TOR1AIP2: variants seen among roughly 807,000 people sequenced by gnomAD.
The protein encoded by TOR1AIP2 is torsin-1A-interacting protein 2.
Under a neutral mutation model 32.6 loss-of-function variants are expected in TOR1AIP2, and 20 were observed. The observed-to-expected ratio is 0.61, with a 90% confidence interval of 0.43 to 0.89. TOR1AIP2 has a LOEUF of 0.89. TOR1AIP2 is among the 40% of genes least tolerant of loss of function. TOR1AIP2 has a pLI of 0.00. For missense variants in TOR1AIP2, 456 were observed against 553.8 expected, an observed-to-expected ratio of 0.82 and a Z score of 1.77; for synonymous variants, 214 against 210.8, an observed-to-expected ratio of 1.02 and a Z score of -0.13.
At position 179,841,958 on chromosome 1, in the gene TOR1AIP2, T is replaced by C. The variant is rs1571642886; in HGVS notation, c.*4113A>G. On this transcript the variant is annotated 3_prime_UTR_variant, in exon 7 of 7. Transcript: ENST00000609928. ...GCTCACGCCTGTAATCCCAGCACTT[T>C]GGGAGGCCGAGGCGGGTGGATCACT... The C allele has an allele frequency of 6.6e-6, 1 of 152,284 alleles. No homozygotes were observed. The highest frequency in any genetic ancestry group is 2.1e-4 in the South Asian group (1 of 4,834). The allele number at this position is 152,284 out of a possible 1,614,324, so 9.4% of individuals were successfully genotyped here. A position where few individuals can be genotyped will look rare whatever the true frequency, so the allele number is the denominator to read the frequency against.
intron 3 of TOR1AIP2, chr1:179,859,356 C>T: frequency 4.2e-6 from 4 of 958,896 alleles, no homozygotes; most frequent in Non-Finnish European, 5.0e-6. Context: ...GAACGTTACC[C>T]AAGAACACGT....
rs1695886082 is a variant in TOR1AIP2, at chr1:179,845,960, T to A, written c.*111A>T. On this transcript the variant is annotated 3_prime_UTR_variant, in exon 7 of 7. Transcript: ENST00000609928. The stretch of plus-strand genomic sequence containing the variant: ...TCTAAAATAAGCTCATCTTTGTTTT[T>A]CAGGCTATTTCCTCAAGCTATTTTA... The A allele has an allele frequency of 1.0e-6, 1 of 961,296 alleles. No individual in the cohort carries two copies. Among genetic ancestry groups the A allele is most frequent in the Non-Finnish European group, 1.5e-6 (1 of 652,962 alleles). The allele number at this position is 961,296 out of a possible 1,614,324, so 59.5% of individuals were successfully genotyped here.
chr1:179,844,488 T>C lies in TOR1AIP2; in HGVS notation c.*1583A>G, dbSNP rs1027124986. ...AAAACCCAGTTGAAATAATCCAGGATTATGGTAATAGTCTATATAATGGAA... is the reference window on the plus strand; with the variant it reads ...AAAACCCAGTTGAAATAATCCAGGACTATGGTAATAGTCTATATAATGGAA... On this transcript the variant is annotated 3_prime_UTR_variant, in exon 7 of 7. Coordinates refer to ENST00000609928, the MANE Select transcript of TOR1AIP2 (RefSeq NM_001199260.2). 9.8e-5 allele frequency: 15 copies of C among 152,356 alleles called. No homozygotes were observed. Among genetic ancestry groups the C allele is most frequent in the African/African-American group, 3.6e-4 (15 of 41,584 alleles). 9.4% of individuals were successfully genotyped at this position (152,356 alleles called of 1,614,324 possible).
intron 4 of TOR1AIP2, among the ~76,000 whole-genome samples, chr1:179,852,393 C>A (rs1398705115): frequency 1.4e-4 from 22 of 152,044 alleles, no homozygotes; most frequent in South Asian, 2.1e-4. Flanking sequence ...TTTTCCATTA[C>A]TATAAGTCCT....
At chr1:179,857,320 G>A (rs1339241415) in intron 3 of TOR1AIP2, among the ~76,000 whole-genome samples, 1 of 152,160 alleles carries the variant, frequency 6.6e-6, no homozygotes, top group Non-Finnish European at 1.5e-5. Flanking sequence ...AGCAAAACTT[G>A]TATCATTTTG....
At chr1:179,877,046 T>C (rs1158817469) in intron 2 of TOR1AIP2, among the ~76,000 whole-genome samples, 193 bp downstream of exon 2, 1 of 151,972 alleles carries the variant, frequency 6.6e-6, no homozygotes, top group African/African-American at 2.4e-5. Context: ...GTCGAGAACC[T>C]AGGCATGTTG....
chr1:179,853,641 G>A (rs1243630553), intron 3 of TOR1AIP2, among the ~76,000 whole-genome samples: 1 of 152,152 alleles, frequency 6.6e-6, no homozygotes, highest in Non-Finnish European at 1.5e-5. Context: ...AGCCTAGCTG[G>A]AAGGCTAGCC....
chr1:179,848,869 G>A lies in TOR1AIP2; in HGVS notation c.554-1233C>T, dbSNP rs370745186. ...TAGCTGGCTGGGCGCAGTGGCTCAC[G>A]CCTGTAATCCCAGCACTTTGGGAGG... is the stretch of plus-strand genomic sequence containing the variant. On this transcript the variant is annotated intron_variant, in intron 5 of 6. Transcript: ENST00000609928. 5.3e-5 allele frequency among the ~76,000 whole-genome samples: 8 copies of A among 152,272 alleles called. No individual in the cohort carries two copies. In the East Asian group the frequency reaches 7.7e-4, roughly 15 times the overall value.
rs910445046 is a variant in TOR1AIP2 at position 179,841,327 on chromosome 1, G to A, written c.*4744C>T. The stretch of plus-strand genomic sequence containing the variant: ...AGATATTAAAATGGAGACTGACATT[G>A]AACTACATAGTCAACTTGAAAAACA... On this transcript the variant is annotated 3_prime_UTR_variant, in exon 7 of 7. Coordinates refer to ENST00000609928, the MANE Select transcript of TOR1AIP2 (RefSeq NM_001199260.2). 6.6e-6 allele frequency: 1 copy of A among 152,164 alleles called. No homozygotes were observed. The highest frequency in any genetic ancestry group is 1.5e-5 in the Non-Finnish European group (1 of 68,018). 9.4% of individuals were successfully genotyped at this position (152,164 alleles called of 1,614,324 possible).
At chr1:179,874,366 A>G (rs1377256300) in intron 2 of TOR1AIP2, 1 of 152,306 alleles carries the variant, frequency 6.6e-6, no homozygotes, top group Non-Finnish European at 1.5e-5. Context: ...GTAAGCCATG[A>G]TAGTGCCACT....
chr1:179,845,332 T>C lies in TOR1AIP2; in HGVS notation c.*739A>G, dbSNP rs1695860533. The stretch of plus-strand genomic sequence containing the variant: ...ACAGTTTGAAAATCAATGCTGTAAA[T>C]TGTTCAAGAAAAGCTGAAGTAAAGA... On this transcript the variant is annotated 3_prime_UTR_variant, in exon 7 of 7. Transcript: ENST00000609928. The C allele has an allele frequency of 6.6e-6, 1 of 152,172 alleles. No homozygotes were observed. Among genetic ancestry groups the C allele is most frequent in the African/African-American group, 2.4e-5 (1 of 41,418 alleles). The allele number at this position is 152,172 out of a possible 1,614,324, so 9.4% of individuals were successfully genotyped here.
intron 3 of TOR1AIP2, chr1:179,860,239 T>C (rs1696468154): frequency 7.2e-6 from 7 of 978,306 alleles, no homozygotes; most frequent in South Asian, 4.7e-5. Flanking sequence ...TCCCAGCACT[T>C]TGGGAGGCCC....
intron 3 of TOR1AIP2, among the ~76,000 whole-genome samples, chr1:179,855,486 T>A (rs1696264602): frequency 6.6e-6 from 1 of 151,926 alleles, no homozygotes; most frequent in Non-Finnish European, 1.5e-5. Flanking sequence ...ATACAAAAAA[T>A]AAATTAATGG....
intron 3 of TOR1AIP2, chr1:179,864,217 G>A: frequency 3.0e-6 from 3 of 985,446 alleles, no homozygotes; most frequent in Non-Finnish European, 3.6e-6. Flanking sequence ...CACTGAGGAT[G>A]GGCCAAACAG....
Position 179,846,121 on chromosome 1 carries a change from G to A in TOR1AIP2, c.1363C>T (p.Leu455=), listed in dbSNP as rs755564902. ...ATGCTACTCACTGGCTGGACTGGCA[G>A]TACCAGGTGTGAAATTCGGCTCCAC... The part of the protein sequence containing the change: ...GLWSRISHLV[L]PVQPVSSIEE... The change falls in exon 7 of 7, where the codon CTG becomes TTG. Residue 455 remains leucine (L), a synonymous_variant. Transcript: ENST00000609928. The A allele has an allele frequency of 1.9e-6, 3 of 1,614,228 alleles. No homozygotes were observed. Among genetic ancestry groups the A allele is most frequent in the Non-Finnish European group, 2.5e-6 (3 of 1,180,044 alleles).
At position 179,863,655 on chromosome 1, in the gene TOR1AIP2, T is replaced by A. The variant is rs186935367; in HGVS notation, c.-147+1781A>T. ...ACCAGCCTGGGTCATACAGCAAGAC[T>A]CTGTCACTATTTTTTAAAAAGCAAA... On this transcript the variant is annotated intron_variant, in intron 3 of 6. Transcript: ENST00000609928. 6.4e-4 allele frequency: 608 copies of A among 950,942 alleles called. 3 individuals carry two copies. The African/African-American group carries it at 0.011, about 17-fold the overall frequency. The allele number at this position is 950,942 out of a possible 1,614,324, so 58.9% of individuals were successfully genotyped here. A position where few individuals can be genotyped will look rare whatever the true frequency, so the allele number is the denominator to read the frequency against.
Position 179,850,106 on chromosome 1 carries a change from A to G in TOR1AIP2, c.553+739T>C, listed in dbSNP as rs1462317095. The stretch of plus-strand genomic sequence containing the variant: ...TACAAACCCACACAGACAATCACAG[A>G]AGGTGAAAGTTAGAAGAATGTTTGG... On this transcript the variant is annotated intron_variant, in intron 5 of 6. Coordinates refer to ENST00000609928, the MANE Select transcript of TOR1AIP2 (RefSeq NM_001199260.2). Among the ~76,000 whole-genome samples the G allele has an allele frequency of 1.5e-3, 222 of 152,318 alleles. 1 individual carries two copies. Among genetic ancestry groups the G allele is most frequent in the African/African-American group, 5.2e-3 (218 of 41,550 alleles).
rs1695684548 is a variant in TOR1AIP2 at position 179,840,427 on chromosome 1, T to G, written c.*5644A>C. ...CGCTTAGCCAAAGGCAAATTTAGTTTATAAGCCTCAGTGAGGAAAAGCAGG... is the reference window on the plus strand; with the variant it reads ...CGCTTAGCCAAAGGCAAATTTAGTTGATAAGCCTCAGTGAGGAAAAGCAGG... On this transcript the variant is annotated 3_prime_UTR_variant, in exon 7 of 7. Transcript: ENST00000609928. 6.6e-6 allele frequency: 1 copy of G among 152,210 alleles called. No individual in the cohort carries two copies. 9.4% of individuals were successfully genotyped at this position (152,210 alleles called of 1,614,324 possible).
intron 3 of TOR1AIP2, chr1:179,863,988 T>C (rs1053723625): frequency 9.1e-6 from 9 of 985,296 alleles, no homozygotes; most frequent in Non-Finnish European, 1.1e-5. Flanking sequence ...GGCTTGATAA[T>C]TTCTTTTGTC....
Sources: allele counts gnomAD v4.1 joint callset (sites outside exome capture counted in the v4.1 genomes callset), GRCh38; gene constraint gnomAD v4.1.1; transcripts MANE v1.5; gene names NCBI Gene and HGNC (gene_info 2026-07-23, HGNC 2026-07-21).